The following WDR62 variants were observed in gnomAD, a reference collection of about 807,000 sequenced individuals.
WDR62 encodes WD repeat domain 62.
In WDR62, 112 loss-of-function variants were observed where a neutral mutation model predicts 160.6. The ratio of observed to expected loss-of-function variants is 0.70; its 90% CI spans 0.60 to 0.82. The LOEUF is 0.82. Among genes scored for constraint, WDR62 ranks in the 40% least tolerant of loss-of-function variants. The pLI, the probability that WDR62 is intolerant of heterozygous loss-of-function variation, is 0.00. For missense variants in WDR62, 1,819 were observed against 1,983.8 expected, an observed-to-expected ratio of 0.92 and a Z score of 1.58; for synonymous variants, 792 against 815.1, an observed-to-expected ratio of 0.97 and a Z score of 0.48.
chr19:36,059,953 C>G lies in WDR62; in HGVS notation c.270-15C>G. ...ACTCCCCACAGTTGAGGCACATTTTCCTCTTTCTTCCCAGCTGTGTGGTGG... is the reference window on the plus strand; with the variant it reads ...ACTCCCCACAGTTGAGGCACATTTTGCTCTTTCTTCCCAGCTGTGTGGTGG... On this transcript the variant is annotated splice_polypyrimidine_tract_variant and intron_variant, in intron 2 of 31. Coordinates refer to ENST00000401500, the MANE Select transcript of WDR62 (RefSeq NM_001083961.2). 3.7e-6 allele frequency: 6 copies of G among 1,614,126 alleles called. No homozygotes were observed. Among genetic ancestry groups the G allele is most frequent in the Non-Finnish European group, 5.1e-6 (6 of 1,179,996 alleles).
At chr19:36,059,500 G>T (rs183256113) in intron 2 of WDR62, among the ~76,000 whole-genome samples, 1 of 152,110 alleles carries the variant, frequency 6.6e-6, no homozygotes, top group East Asian at 1.9e-4. Flanking sequence ...ATGCAATAGT[G>T]TGAATAACAG....
intron 10 of WDR62, among the ~76,000 whole-genome samples, chr19:36,082,799 T>C (rs1020974230): frequency 1.3e-5 from 2 of 152,204 alleles, no homozygotes; most frequent in African/African-American, 4.8e-5. Flanking sequence ...GGGCTCCTGC[T>C]ATCATATCTG....
At chr19:36,108,931 A>G (rs1973757883), downstream of WDR62, among the ~76,000 whole-genome samples, 1 of 151,870 alleles carries the variant, frequency 6.6e-6, no homozygotes, top group South Asian at 2.1e-4. Context: ...CATGCTAAGC[A>G]TTCTCTCCAT....
intron 14 of WDR62, 39 bp downstream of exon 14, chr19:36,089,144 G>T (rs1372868085): frequency 3.1e-6 from 5 of 1,612,808 alleles, no homozygotes; most frequent in Admixed American, 3.3e-5. Context: ...GGGGTGGGGG[G>T]TTGTCGGGGC....
rs1474083841 is a variant in WDR62, at chr19:36,092,808, C to T, written c.2330C>T (p.Pro777Leu). The stretch of plus-strand genomic sequence containing the variant: ...AATGACAAGAAGCGGAGTGGCCACC[C>T]CAGGTCCTGGCAGCCCCTGCCTGTC... ...HTNDKKRSGHPRQDTYVSTPS... is the reference protein window; with the variant it reads ...HTNDKKRSGHLRQDTYVSTPS... Residue 777 changes from proline to leucine, a missense_variant, in exon 19 of 32, where the codon CCC becomes CTC. Pro to Leu is a moderately conservative substitution (Grantham distance 98). This residue lies in a region of WDR62 where 934 missense variants were observed against 1,157.2 expected (regional missense o/e 0.81). Coordinates refer to ENST00000401500, the MANE Select transcript of WDR62 (RefSeq NM_001083961.2). 6.2e-7 allele frequency: 1 copy of T among 1,613,950 alleles called. No homozygotes were observed.
chr19:36,073,530 A>T lies in WDR62; in HGVS notation c.1232A>T (p.Glu411Val). ...CACAGCTCCTACGTTTGGAACGTGG[A>T]GGTGAGCCCCCCCCCCACCCCCTTG... ...LFHSSYVWNV[E>V]VYPEFEDQRA... is the part of the protein sequence containing the mutation. Residue 411 changes from glutamate to valine, a missense_variant and splice_region_variant, in exon 9 of 32, where the codon GAG becomes GTG. Physicochemically the swap from Glu to Val is moderately radical, Grantham distance 121. Coordinates refer to ENST00000401500, the MANE Select transcript of WDR62 (RefSeq NM_001083961.2). The T allele has an allele frequency of 1.2e-6, 2 of 1,609,342 alleles. No homozygotes were observed. Among genetic ancestry groups the T allele is most frequent in the Non-Finnish European group, 1.7e-6 (2 of 1,176,944 alleles).
intron 7 of WDR62, among the ~76,000 whole-genome samples, chr19:36,069,754 C>G (rs1463202971): frequency 6.6e-6 from 1 of 152,228 alleles, no homozygotes; most frequent in African/African-American, 2.4e-5. Context: ...CTCGGGAGGC[C>G]GAGGCTGGCG....
At chr19:36,068,115 A>T in intron 7 of WDR62, 105 bp downstream of exon 7, 3 of 1,368,678 alleles carry the variant, frequency 2.2e-6, no homozygotes, top group Non-Finnish European at 3.1e-6. Context: ...TTATGTGACT[A>T]GTGGTGAATG....
At chr19:36,109,838 G>A (rs1397141439), downstream of WDR62, among the ~76,000 whole-genome samples, 1 of 151,832 alleles carries the variant, frequency 6.6e-6, no homozygotes, top group Non-Finnish European at 1.5e-5. Context: ...CGGATCACCT[G>A]CATTTAGGAG....
chr19:36,101,628 A>G, intron 24 of WDR62, 36 bp from the exon 25 acceptor site: 1 of 1,498,338 alleles, frequency 6.7e-7, no homozygotes, highest in Non-Finnish European at 9.1e-7. Flanking sequence ...CAGAATGGTC[A>G]GGCTGTGGGC....
rs775333202 is a variant in WDR62, at chr19:36,101,277, G to A, written c.2931G>A (p.Arg977=). 11 of 1,612,654 alleles carry A rather than the reference G, an allele frequency of 6.8e-6. No homozygotes were observed. The highest frequency in any genetic ancestry group is 1.7e-5 in the Admixed American group (1 of 59,856). Residue 977 remains arginine, a synonymous_variant, in exon 24 of 32, where the codon AGG becomes AGA. Transcript: ENST00000401500. ...PGDQQGDSYL[R]VSSDSPKDQS... is the part of the protein sequence containing the mutation. ...ACCAGCAGGGCGACTCCTACCTCAGGGTGTCCTCCGACAGCCCAAAGGACC... is the reference window on the plus strand; with the variant it reads ...ACCAGCAGGGCGACTCCTACCTCAGAGTGTCCTCCGACAGCCCAAAGGACC...
At chr19:36,081,391 T>C in intron 9 of WDR62, 42 bp from the exon 10 acceptor site, 1 of 1,549,324 alleles carries the variant, frequency 6.5e-7, no homozygotes, top group Non-Finnish European at 8.9e-7. Flanking sequence ...GTCATAGTGC[T>C]GTCATTGAGT....
At chr19:36,107,396 G>C (rs956916771), downstream of WDR62, among the ~76,000 whole-genome samples, 1 of 152,180 alleles carries the variant, frequency 6.6e-6, no homozygotes, top group South Asian at 2.1e-4. Flanking sequence ...GGGAGGCTGA[G>C]GTTAGATGTG....
At chr19:36,064,984 G>A (rs1439745504) in intron 3 of WDR62, among the ~76,000 whole-genome samples, 1 of 152,204 alleles carries the variant, frequency 6.6e-6, no homozygotes, top group Admixed American at 6.5e-5. Context: ...CGTATTTCAG[G>A]AGGGGAACTG....
At chr19:36,078,561 G>A (rs921724952) in intron 9 of WDR62, among the ~76,000 whole-genome samples, 1 of 151,798 alleles carries the variant, frequency 6.6e-6, no homozygotes, top group African/African-American at 2.4e-5. Context: ...TAGGCCCAGC[G>A]TGGTGGCTCA....
chr19:36,064,713 G>T (rs1443572873), intron 3 of WDR62, among the ~76,000 whole-genome samples: 1 of 152,178 alleles, frequency 6.6e-6, no homozygotes, highest in Non-Finnish European at 1.5e-5. Flanking sequence ...GAGTAGCCGG[G>T]ATTACAGGCT....
chr19:36,081,412 C>T lies in WDR62; in HGVS notation c.1234-21C>T, dbSNP rs763477133. 19 of 1,613,068 alleles carry T rather than the reference C, an allele frequency of 1.2e-5. No individual in the cohort carries two copies. The African/African-American group carries it at 1.9e-4, about 16-fold the overall frequency. ...GTGCTGTCATTGAGTCATCCTTTGC[C>T]TTGTCCTCTGGGAACTGTAGGTGTA... On this transcript the variant is annotated intron_variant, in intron 9 of 31. Transcript: ENST00000401500.
At chr19:36,093,381 A>G (rs1043045717) in intron 19 of WDR62, among the ~76,000 whole-genome samples, 1 of 152,212 alleles carries the variant, frequency 6.6e-6, no homozygotes, top group Non-Finnish European at 1.5e-5. Flanking sequence ...TCAAGTCTTT[A>G]TGTAGCAAAG....
chr19:36,092,819 C>T lies in WDR62; in HGVS notation c.2333+8C>T, dbSNP rs779904831. On this transcript the variant is annotated splice_region_variant and intron_variant, in intron 19 of 31. Coordinates refer to ENST00000401500, the MANE Select transcript of WDR62 (RefSeq NM_001083961.2). ...GCGGAGTGGCCACCCCAGGTCCTGG[C>T]AGCCCCTGCCTGTCCACCAGAGGGA... 2 of 1,613,782 alleles carry T rather than the reference C, an allele frequency of 1.2e-6. No homozygotes were observed. Among genetic ancestry groups the T allele is most frequent in the Middle Eastern group, 1.7e-4 (1 of 6,036 alleles).
Sources: allele counts gnomAD v4.1 joint callset (sites outside exome capture counted in the v4.1 genomes callset), GRCh38; gene constraint gnomAD v4.1.1; regional missense constraint gnomAD v4.1.1; transcripts MANE v1.5; gene names NCBI Gene and HGNC (gene_info 2026-07-23, HGNC 2026-07-21).